The following RNF220 variants were observed in gnomAD, a reference collection of about 807,000 sequenced individuals.
The protein encoded by RNF220 is ring finger protein 220.
A neutral mutation model predicts 67.1 loss-of-function variants in RNF220; 7 were observed. The observed-to-expected ratio is 0.10, with a 90% CI of 0.06 to 0.20. The LOEUF (loss-of-function observed/expected upper bound fraction) is 0.20. RNF220 is among the 10% of genes least tolerant of loss of function. The pLI is 1.00. For missense variants in RNF220, 565 were observed against 740.3 expected, an observed-to-expected ratio of 0.76 and a Z score of 2.75; for synonymous variants, 270 against 283.2, an observed-to-expected ratio of 0.95 and a Z score of 0.47.
intron 5 of RNF220, among the ~76,000 whole-genome samples, chr1:44,631,209 A>G (rs1320378432): frequency 1.3e-5 from 2 of 152,270 alleles, no homozygotes; most frequent in African/African-American, 2.4e-5. Flanking sequence ...ACAAGCGATG[A>G]TAACGGCGCA....
intron 2 of RNF220, among the ~76,000 whole-genome samples, chr1:44,466,052 CAGT>C (rs1654245872): frequency 6.6e-6 from 1 of 152,210 alleles, no homozygotes; most frequent in South Asian, 2.1e-4. Flanking sequence ...ATTTTACTCA[CAGT>C]AGAACTTCTT....
chr1:44,609,714 A>C (rs898981255), intron 2 of RNF220, among the ~76,000 whole-genome samples: 1 of 152,158 alleles, frequency 6.6e-6, no homozygotes, highest in African/African-American at 2.4e-5. Context: ...AGCCTGGCCC[A>C]AGCTAGGAAG....
intron 2 of RNF220, among the ~76,000 whole-genome samples, chr1:44,433,343 T>G (rs1325860537): frequency 6.6e-6 from 1 of 152,180 alleles, no homozygotes; most frequent in East Asian, 1.9e-4. Flanking sequence ...TTCAGCTTGA[T>G]TTGGGTAAAA....
intron 2 of RNF220, among the ~76,000 whole-genome samples, chr1:44,610,574 G>A (rs1643251259): frequency 6.6e-6 from 1 of 152,166 alleles, no homozygotes; most frequent in African/African-American, 2.4e-5. Context: ...GTGGCAAAAG[G>A]GTTTGGCCAG....
chr1:44,578,330 A>G (rs1242507404), intron 2 of RNF220, among the ~76,000 whole-genome samples: 1 of 147,498 alleles, frequency 6.8e-6, no homozygotes, highest in Non-Finnish European at 1.5e-5. Flanking sequence ...TTGTATTTCT[A>G]GTAGAGATGG....
At chr1:44,438,863 A>T (rs1162667893) in intron 2 of RNF220, among the ~76,000 whole-genome samples, 3 of 152,224 alleles carry the variant, frequency 2.0e-5, no homozygotes. Flanking sequence ...GGTCATACCA[A>T]ATGCTGATTT....
At chr1:44,489,331 A>G (rs1039829782) in intron 2 of RNF220, among the ~76,000 whole-genome samples, 6 of 152,250 alleles carry the variant, frequency 3.9e-5, no homozygotes, top group African/African-American at 1.4e-4. Context: ...AAGAGATAAT[A>G]CACATTTCCG....
chr1:44,432,206 G>A (rs556657911), intron 2 of RNF220, among the ~76,000 whole-genome samples: 3 of 152,264 alleles, frequency 2.0e-5, no homozygotes, highest in African/African-American at 7.2e-5. Context: ...GAGGGGAACA[G>A]GATCCTGCTA....
At chr1:44,414,667 A>T (rs996060378) in intron 2 of RNF220, among the ~76,000 whole-genome samples, 3 of 152,180 alleles carry the variant, frequency 2.0e-5, no homozygotes, top group Admixed American at 2.0e-4. Context: ...GAAAAATTAA[A>T]TGAGTCTGTC....
intron 2 of RNF220, among the ~76,000 whole-genome samples, chr1:44,515,438 T>C (rs1045311278): frequency 1.3e-5 from 2 of 152,192 alleles, no homozygotes; most frequent in Non-Finnish European, 2.9e-5. Context: ...TCCACAGGAT[T>C]GGCATGCTCT....
intron 2 of RNF220, among the ~76,000 whole-genome samples, chr1:44,440,924 A>AT (rs1192002732): frequency 6.6e-6 from 1 of 152,160 alleles, no homozygotes; most frequent in Non-Finnish European, 1.5e-5. Flanking sequence ...CATTAGCCAG[A>AT]TTCAAGGATG....
chr1:44,462,466 A>T (rs1653873739), intron 2 of RNF220, among the ~76,000 whole-genome samples: 1 of 152,184 alleles, frequency 6.6e-6, no homozygotes, highest in Non-Finnish European at 1.5e-5. Flanking sequence ...AATATTAAGG[A>T]AAATTTGAAA....
chr1:44,467,656 G>A (rs1256368610), intron 2 of RNF220, among the ~76,000 whole-genome samples: 1 of 152,216 alleles, frequency 6.6e-6, no homozygotes. Flanking sequence ...AAAACTTTCT[G>A]TCAGCAATAA....
rs1487958344 is a variant in RNF220 at position 44,412,198 on chromosome 1, C to T, written c.101C>T (p.Ala34Val). Residue 34 changes from alanine to valine, a missense_variant, in exon 2 of 15, where the codon GCC becomes GTC. By Grantham distance (64) the Ala-to-Val change is moderately conservative. Transcript: ENST00000361799. The surrounding 1 kb of genome is among the most constrained non-coding windows in gnomAD (Gnocchi z 5.3). ...ATGGTCCTGGCATCCACGGCTGAGG[C>T]CAGCCGTGATGCTTCCATCCCTTGT... ...ALMVLASTAE[A>V]SRDASIPCQQ... 3 of 1,614,198 alleles carry T rather than the reference C, an allele frequency of 1.9e-6. No individual in the cohort carries two copies. Among genetic ancestry groups the T allele is most frequent in the Middle Eastern group, 1.6e-4 (1 of 6,062 alleles).
chr1:44,444,000 A>G (rs1162121018), intron 2 of RNF220, among the ~76,000 whole-genome samples: 1 of 152,214 alleles, frequency 6.6e-6, no homozygotes, highest in Non-Finnish European at 1.5e-5. Context: ...CTGAGGCAGG[A>G]GAATTGCTTG....
intron 2 of RNF220, among the ~76,000 whole-genome samples, chr1:44,475,439 G>T (rs927176734): frequency 6.6e-6 from 1 of 151,526 alleles, no homozygotes; most frequent in Admixed American, 6.6e-5. Flanking sequence ...GCATGGTGGC[G>T]CATGCCTGTA....
At chr1:44,416,155 A>G (rs1051866464) in intron 2 of RNF220, among the ~76,000 whole-genome samples, 1 of 152,192 alleles carries the variant, frequency 6.6e-6, no homozygotes, top group Non-Finnish European at 1.5e-5. Flanking sequence ...CTTGCCCTGG[A>G]AAATGGGAGA....
chr1:44,536,252 G>C (rs1243415167), intron 2 of RNF220, among the ~76,000 whole-genome samples: 1 of 152,164 alleles, frequency 6.6e-6, no homozygotes, highest in African/African-American at 2.4e-5. Flanking sequence ...AGGCAGAAAC[G>C]AACTCTTTGC....
At chr1:44,492,824 A>G (rs1656970573) in intron 2 of RNF220, among the ~76,000 whole-genome samples, 3 of 152,174 alleles carry the variant, frequency 2.0e-5, no homozygotes, top group African/African-American at 7.2e-5. Context: ...AAAATGCTCT[A>G]AAAGCCATTT....
Sources: gnomAD v4.1 joint callset for allele counts (sites outside exome capture counted in the v4.1 genomes callset) on GRCh38, gnomAD v4.1.1 for gene constraint, Gnocchi (gnomAD v3.1) non-coding constraint, MANE v1.5 for transcripts, NCBI Gene and HGNC (gene_info 2026-07-23, HGNC 2026-07-21) for gene names.